Variants in ARHGAP6 observed in about 807,000 individuals in gnomAD.
ARHGAP6 encodes rho GTPase-activating protein 6.
In ARHGAP6, 16 loss-of-function variants were observed where a neutral mutation model predicts 55.7. That is an observed-to-expected ratio of 0.29 (90% CI 0.19 to 0.44). The LOEUF (loss-of-function observed/expected upper bound fraction) is 0.44. Among genes scored for constraint, ARHGAP6 ranks in the 20% least tolerant of loss-of-function variants. The pLI is 1.00. For missense variants in ARHGAP6, 698 were observed against 808.9 expected (o/e 0.86, Z 1.66); for synonymous variants, 382 against 360.9 (o/e 1.06, Z -0.66).
At chrX:11,621,080 AC>A (rs1374052605) in intron 1 of ARHGAP6, among the ~76,000 whole-genome samples, 2 of 110,908 alleles carry the variant, frequency 1.8e-5, no homozygotes, top group Non-Finnish European at 3.8e-5. Context: ...TGTCCTGGGG[AC>A]CCCGGTGGAC....
intron 1 of ARHGAP6, among the ~76,000 whole-genome samples, chrX:11,365,051 C>T (rs747224084): frequency 9.0e-6 from 1 of 111,617 alleles, no homozygotes; most frequent in Non-Finnish European, 1.9e-5. Context: ...GGCCCAATTC[C>T]CGCCTATGAA....
intron 1 of ARHGAP6, among the ~76,000 whole-genome samples, chrX:11,592,609 G>C (rs189108983): frequency 2.9e-4 from 32 of 111,173 alleles, no homozygotes; most frequent in Non-Finnish European, 5.3e-4. Flanking sequence ...ATAGTTATTA[G>C]TGGTTATATC....
chrX:11,392,858 T>A (rs2049425584), intron 1 of ARHGAP6, among the ~76,000 whole-genome samples: 1 of 111,914 alleles, frequency 8.9e-6, no homozygotes, highest in African/African-American at 3.2e-5. Flanking sequence ...GAACTTGATA[T>A]TAAGTAAATT....
At chrX:11,640,633 G>A (rs775983690) in intron 1 of ARHGAP6, among the ~76,000 whole-genome samples, 2 of 111,295 alleles carry the variant, frequency 1.8e-5, no homozygotes, top group South Asian at 7.6e-4. Context: ...TCACACACAC[G>A]GTGAATTTCA....
chrX:11,412,695 C>T (rs764067693), intron 1 of ARHGAP6, among the ~76,000 whole-genome samples: 1 of 111,860 alleles, frequency 8.9e-6, no homozygotes, highest in South Asian at 3.8e-4. Flanking sequence ...AACCCTTTTC[C>T]CCTTAACCAT....
At chrX:11,369,451 C>G (rs904870488) in intron 1 of ARHGAP6, among the ~76,000 whole-genome samples, 1 of 110,785 alleles carries the variant, frequency 9.0e-6, no homozygotes, top group Non-Finnish European at 1.9e-5. Flanking sequence ...TAGAGCCCAG[C>G]TATTATGACA....
intron 1 of ARHGAP6, among the ~76,000 whole-genome samples, chrX:11,480,272 T>C (rs1477506193): frequency 2.7e-5 from 3 of 111,873 alleles, no homozygotes; most frequent in Non-Finnish European, 5.6e-5. Context: ...GAATAAAGTA[T>C]AGATATATGA....
chrX:11,256,105 C>T (rs994530825), intron 1 of ARHGAP6, among the ~76,000 whole-genome samples: 3 of 112,369 alleles, frequency 2.7e-5, no homozygotes, highest in African/African-American at 6.5e-5. Flanking sequence ...AAAGAAGTCA[C>T]TCGCCTGGAC....
chrX:11,404,633 T>C (rs763190831), intron 1 of ARHGAP6, among the ~76,000 whole-genome samples: 1 of 111,914 alleles, frequency 8.9e-6, no homozygotes, highest in South Asian at 3.8e-4. Flanking sequence ...TAAATGTTTT[T>C]CTAATCTAGA....
chrX:11,590,610 C>A (rs1410316091), intron 1 of ARHGAP6, among the ~76,000 whole-genome samples: 2 of 105,932 alleles, frequency 1.9e-5, no homozygotes, highest in Non-Finnish European at 1.9e-5. Context: ...CATGGTGAAA[C>A]CCCATTTCTA....
intron 2 of ARHGAP6, among the ~76,000 whole-genome samples, chrX:11,211,447 T>G (rs182845845): frequency 0.014 from 1,495 of 110,577 alleles, 18 homozygotes; most frequent in East Asian, 0.063. Context: ...AGCCAGGATG[T>G]TCTCAATCTC....
intron 1 of ARHGAP6, among the ~76,000 whole-genome samples, chrX:11,554,683 T>C (rs1221265537): frequency 8.9e-6 from 1 of 112,362 alleles, no homozygotes; most frequent in Non-Finnish European, 1.9e-5. Flanking sequence ...ATATATTCTC[T>C]GGTTTTTACA....
intron 1 of ARHGAP6, among the ~76,000 whole-genome samples, chrX:11,551,336 C>G (rs375113752): frequency 8.9e-6 from 1 of 111,749 alleles, no homozygotes; most frequent in Non-Finnish European, 1.9e-5. Context: ...CATCTACAGG[C>G]TAATTGCCAG....
At chrX:11,594,902 A>G (rs1408709327) in intron 1 of ARHGAP6, among the ~76,000 whole-genome samples, 1 of 112,401 alleles carries the variant, frequency 8.9e-6, no homozygotes, top group Admixed American at 9.4e-5. Flanking sequence ...AAGGTTCTGA[A>G]CACTTGCTCT....
At chrX:11,421,338 G>T (rs958364927) in intron 1 of ARHGAP6, among the ~76,000 whole-genome samples, 15 of 112,063 alleles carry the variant, frequency 1.3e-4, no homozygotes, top group African/African-American at 4.5e-4. Flanking sequence ...CTCCTTGTTG[G>T]GTTGTGTTGT....
intron 1 of ARHGAP6, among the ~76,000 whole-genome samples, chrX:11,545,865 A>G (rs751637705): frequency 9.0e-6 from 1 of 111,651 alleles, no homozygotes; most frequent in Non-Finnish European, 1.9e-5. Flanking sequence ...CTGCAACAAA[A>G]TAATTATGGA....
intron 1 of ARHGAP6, among the ~76,000 whole-genome samples, chrX:11,461,859 G>A (rs777115653): frequency 3.6e-5 from 4 of 111,612 alleles, no homozygotes; most frequent in Non-Finnish European, 7.5e-5. Context: ...AGAAACAGGG[G>A]CCTCTCTCAA....
At chrX:11,359,121 C>T (rs2048975786) in intron 1 of ARHGAP6, among the ~76,000 whole-genome samples, 1 of 111,801 alleles carries the variant, frequency 8.9e-6, no homozygotes, top group African/African-American at 3.2e-5. Context: ...AAAGCAAACA[C>T]CTCAGGTACT....
intron 1 of ARHGAP6, among the ~76,000 whole-genome samples, chrX:11,373,097 A>T (rs940632493): frequency 6.0e-5 from 1 of 16,771 alleles, no homozygotes; most frequent in Non-Finnish European, 9.3e-5. Flanking sequence ...ACACACAAAC[A>T]CACACACACA....
Sources: gnomAD v4.1 joint callset for allele counts (sites outside exome capture counted in the v4.1 genomes callset) on GRCh38, gnomAD v4.1.1 for gene constraint, MANE v1.5 for transcripts, NCBI Gene and HGNC (gene_info 2026-07-23, HGNC 2026-07-21) for gene names.